The following LAMA2 variants were observed in gnomAD, a reference collection of about 807,000 sequenced individuals.
LAMA2 encodes laminin subunit alpha 2.
LAMA2 carries 269 observed loss-of-function variants against 364.8 expected under a neutral mutation model. That is an observed-to-expected ratio of 0.74 (90% CI 0.67 to 0.82). The LOEUF (loss-of-function observed/expected upper bound fraction) is 0.82, where lower values mean the gene tolerates loss of function less well. Among genes scored for constraint, LAMA2 ranks in the 40% least tolerant of loss-of-function variants. The pLI, the probability that LAMA2 is intolerant of heterozygous loss-of-function variation, is 0.00. For synonymous variants in LAMA2, 1,379 were observed against 1,370.6 expected (o/e 1.01, Z -0.14); for missense variants, 3,807 against 3,873.2 (o/e 0.98, Z 0.45).
intron 41 of LAMA2, among the ~76,000 whole-genome samples, chr6:129,436,638 T>A (rs1261947232): frequency 6.6e-6 from 1 of 152,150 alleles, no homozygotes; most frequent in African/African-American, 2.4e-5. Context: ...ATAAACTTAT[T>A]AACTTGCTCT....
intron 3 of LAMA2, among the ~76,000 whole-genome samples, chr6:129,079,490 A>C (rs1347808984): frequency 6.6e-6 from 1 of 151,252 alleles, no homozygotes. Flanking sequence ...ACCATTTTAC[A>C]TTCCCATCGG....
intron 9 of LAMA2, among the ~76,000 whole-genome samples, chr6:129,174,903 A>G (rs1780475098): frequency 6.6e-6 from 1 of 152,166 alleles, no homozygotes; most frequent in Non-Finnish European, 1.5e-5. Flanking sequence ...TGTTCTGAAC[A>G]GGAGGGGTTT....
intron 37 of LAMA2, among the ~76,000 whole-genome samples, chr6:129,395,416 T>C (rs1048154282): frequency 1.3e-5 from 2 of 152,202 alleles, no homozygotes; most frequent in Admixed American, 1.3e-4. Context: ...ATTGTGTCAG[T>C]GATGAGCCCC....
intron 4 of LAMA2, among the ~76,000 whole-genome samples, chr6:129,121,316 T>G (rs1197679028): frequency 6.6e-6 from 1 of 152,220 alleles, no homozygotes; most frequent in African/African-American, 2.4e-5. Context: ...AAAAAAATTT[T>G]TTGAGGTCCT....
chr6:128,917,734 C>CTTTCTT (rs762146179), intron 1 of LAMA2, among the ~76,000 whole-genome samples: 150 of 111,730 alleles, frequency 1.3e-3, no homozygotes, highest in Non-Finnish European at 1.7e-3. Flanking sequence ...TTCTTTCTTT[C>CTTTCTT]TTTTTTTTTT....
intron 33 of LAMA2, among the ~76,000 whole-genome samples, chr6:129,366,686 T>G (rs546261825): frequency 6.6e-6 from 1 of 152,322 alleles, no homozygotes; most frequent in South Asian, 2.1e-4. Context: ...AAATTAATCC[T>G]TACAAAACCA....
rs140586844 is a variant in LAMA2 at position 129,364,627 on chromosome 6, A to C, written c.4718-1592A>C. 2.7e-4 allele frequency among the ~76,000 whole-genome samples: 41 copies of C among 152,366 alleles called. 1 individual carries two copies. The highest frequency in any genetic ancestry group is 9.4e-4 in the African/African-American group (39 of 41,596). On this transcript the variant is annotated intron_variant, in intron 32 of 64. Coordinates refer to ENST00000421865, the MANE Select transcript of LAMA2 (RefSeq NM_000426.4). ...GACTATTTATGAGATCTATTCCATA[A>C]TGAAGAGTCAACAATCCATTTGTCT...
At position 129,400,442 on chromosome 6, in the gene LAMA2, C is replaced by T. The variant is rs557570426; in HGVS notation, c.5446-782C>T. 3.9e-5 allele frequency among the ~76,000 whole-genome samples: 6 copies of T among 152,096 alleles called. No individual in the cohort carries two copies. The South Asian group carries it at 1.2e-3, about 32-fold the overall frequency. ...ACATATTGAGATCTAAATGAATTAGCATTATTGTCTATAGAAAAAAACTAT... is the reference window on the plus strand; with the variant it reads ...ACATATTGAGATCTAAATGAATTAGTATTATTGTCTATAGAAAAAAACTAT... On this transcript the variant is annotated intron_variant, in intron 37 of 64. Coordinates refer to ENST00000421865, the MANE Select transcript of LAMA2 (RefSeq NM_000426.4).
intron 4 of LAMA2, among the ~76,000 whole-genome samples, chr6:129,116,335 T>G (rs1437236235): frequency 6.6e-6 from 1 of 152,144 alleles, no homozygotes; most frequent in East Asian, 1.9e-4. Context: ...TTAGAATTTT[T>G]CTTGGAGTTG....
chr6:129,392,994 A>G, intron 36 of LAMA2, 51 bp from the exon 37 acceptor site: 2 of 1,406,820 alleles, frequency 1.4e-6, no homozygotes, highest in Non-Finnish European at 2.0e-6. Flanking sequence ...AATAAACCCT[A>G]AGGCAGTGAC....
chr6:129,462,779 A>G (rs933256997), intron 49 of LAMA2, among the ~76,000 whole-genome samples: 2 of 151,944 alleles, frequency 1.3e-5, no homozygotes, highest in Admixed American at 1.3e-4. Context: ...TGTTGCTTTC[A>G]GGAAAACACT....
At chr6:129,086,315 A>C (rs1341813769) in intron 3 of LAMA2, among the ~76,000 whole-genome samples, 4 of 152,226 alleles carry the variant, frequency 2.6e-5, no homozygotes, top group African/African-American at 9.6e-5. Context: ...CATTTTTCAT[A>C]ATCTATTCAA....
chr6:128,973,402 A>G (rs1782318669), intron 1 of LAMA2, among the ~76,000 whole-genome samples: 1 of 152,238 alleles, frequency 6.6e-6, no homozygotes, highest in Non-Finnish European at 1.5e-5. Flanking sequence ...TAATCCTTGA[A>G]TCAAAATGAT....
chr6:129,404,486 AAT>A (rs1185650005), intron 40 of LAMA2, among the ~76,000 whole-genome samples: 1 of 152,178 alleles, frequency 6.6e-6, no homozygotes, highest in East Asian at 1.9e-4. Flanking sequence ...CATTGTTCGT[AAT>A]ACATTTGGAA....
chr6:129,336,159 A>G (rs1455689018), intron 29 of LAMA2, among the ~76,000 whole-genome samples: 8 of 152,222 alleles, frequency 5.3e-5, no homozygotes, highest in Non-Finnish European at 1.2e-4. Flanking sequence ...CTCATTAGGA[A>G]TCAGAATAGG....
At chr6:129,151,310 A>G (rs1240203039) in intron 7 of LAMA2, among the ~76,000 whole-genome samples, 1 of 152,136 alleles carries the variant, frequency 6.6e-6, no homozygotes, top group Non-Finnish European at 1.5e-5. Flanking sequence ...GAATAAGTCT[A>G]TGTTACTTTA....
At chr6:129,238,784 G>A (rs768192319) in intron 12 of LAMA2, among the ~76,000 whole-genome samples, 1 of 151,990 alleles carries the variant, frequency 6.6e-6, no homozygotes, top group Non-Finnish European at 1.5e-5. Context: ...TACAATTTCC[G>A]GAGATTAAAT....
chr6:129,308,972 A>G (rs545543998), intron 22 of LAMA2, among the ~76,000 whole-genome samples: 1 of 152,320 alleles, frequency 6.6e-6, no homozygotes, highest in East Asian at 1.9e-4. Flanking sequence ...ACCTCCCACC[A>G]GGCTCCACCT....
chr6:129,315,743 C>T lies in LAMA2; in HGVS notation c.3736-19C>T. 1.9e-6 allele frequency: 3 copies of T among 1,612,786 alleles called. No individual in the cohort carries two copies. In the East Asian group the frequency reaches 6.8e-5, roughly 36 times the overall value. On this transcript the variant is annotated intron_variant, in intron 25 of 64. Transcript: ENST00000421865. ...TTGGAGATTTATCCAATTCCTCATTCTTCTTTTTATTTTGTCAGTTGATGG... is the reference window on the plus strand; with the variant it reads ...TTGGAGATTTATCCAATTCCTCATTTTTCTTTTTATTTTGTCAGTTGATGG...
Sources: gnomAD v4.1 joint callset for allele counts (sites outside exome capture counted in the v4.1 genomes callset) on GRCh38, gnomAD v4.1.1 for gene constraint, MANE v1.5 for transcripts, NCBI Gene and HGNC (gene_info 2026-07-23, HGNC 2026-07-21) for gene names.